GNAI2: variants seen among roughly 807,000 people sequenced by gnomAD.
GNAI2 encodes the protein guanine nucleotide-binding protein G(i) subunit alpha-2.
In GNAI2, 4 loss-of-function variants were observed where a neutral mutation model predicts 36.8. The observed-to-expected ratio is 0.11, with a 90% confidence interval of 0.05 to 0.25. GNAI2 has a LOEUF of 0.25. Ranked by LOEUF, GNAI2 falls within the 10% of genes least tolerant of loss-of-function variation. The probability of loss-of-function intolerance (pLI) is 1.00; values close to 1 mark genes in which losing one functional copy is unlikely to be tolerated. For missense variants in GNAI2, 230 were observed against 481.3 expected (o/e 0.48, Z 4.89); for synonymous variants, 194 against 194.1 (o/e 1.00, Z 0.01).
intron 1 of GNAI2, chr3:50,251,433 G>A (rs1559772974): frequency 9.5e-7 from 1 of 1,053,580 alleles, no homozygotes. Flanking sequence ...GTGGGTGTGG[G>A]TGTGTGAGAT....
At chr3:50,251,689 C>G in intron 1 of GNAI2, 1 of 1,344,484 alleles carries the variant, frequency 7.4e-7, no homozygotes, top group Non-Finnish European at 9.8e-7. Context: ...GTATGCAGGG[C>G]ATCTTCCTGC....
At chr3:50,227,151 T>C, upstream of GNAI2, 9 of 1,444,466 alleles carry the variant, frequency 6.2e-6, no homozygotes, top group Non-Finnish European at 8.2e-6. The surrounding 1 kb of genome is among the most constrained non-coding windows in gnomAD (Gnocchi z 5.9). Flanking sequence ...GACGCTAGGC[T>C]GGACGAAGCA....
chr3:50,246,046 C>T (rs1295217589), intron 1 of GNAI2, among the ~76,000 whole-genome samples: 1 of 152,172 alleles, frequency 6.6e-6, no homozygotes, highest in Non-Finnish European at 1.5e-5. Context: ...CCTCGAGTCC[C>T]TGCCTCCCAG....
chr3:50,248,091 C>T (rs1363518145), intron 1 of GNAI2, among the ~76,000 whole-genome samples: 3 of 152,168 alleles, frequency 2.0e-5, no homozygotes, highest in Non-Finnish European at 4.4e-5. Flanking sequence ...AAAAATTAGC[C>T]GGGCGTGGTG....
At chr3:50,256,073 AGCAAGGGCTGTGCTTG>A in intron 4 of GNAI2, 103 bp from the exon 5 acceptor site, 2 of 399,004 alleles carry the variant, frequency 5.0e-6, no homozygotes, top group Non-Finnish European at 9.2e-6. Context: ...AAAAAAAAAA[AGCAAGGGCTGTGCTTG>A]AGAAATGGCA....
chr3:50,256,428 C>T, intron 5 of GNAI2, 108 bp downstream of exon 5: 4 of 1,055,728 alleles, frequency 3.8e-6, no homozygotes, highest in South Asian at 2.6e-5. Flanking sequence ...TTTTACAAGG[C>T]TCATGTGTTC....
In GNAI2 at chr3:50,259,236, C is replaced by A. The variant is rs1553703771; in HGVS notation, c.*893C>A. On this transcript the variant is annotated 3_prime_UTR_variant, in exon 9 of 9. Coordinates refer to ENST00000313601, the MANE Select transcript of GNAI2 (RefSeq NM_002070.4). ...CCGCTGCCTGCTGGGGGGCCACGCCCCTCATGCCCTTGTCCCAGGCCCGGG... is the reference window on the plus strand; with the variant it reads ...CCGCTGCCTGCTGGGGGGCCACGCCACTCATGCCCTTGTCCCAGGCCCGGG... 4.9e-6 allele frequency: 1 copy of A among 203,350 alleles called. No homozygotes were observed. The highest frequency in any genetic ancestry group is 2.3e-5 in the African/African-American group (1 of 42,726). The allele number at this position is 203,350 out of a possible 1,614,324, so 12.6% of individuals were successfully genotyped here. A position where few individuals can be genotyped will look rare whatever the true frequency, so the allele number is the denominator to read the frequency against.
chr3:50,237,508 C>T (rs1700202980), intron 1 of GNAI2, among the ~76,000 whole-genome samples: 1 of 152,188 alleles, frequency 6.6e-6, no homozygotes, highest in African/African-American at 2.4e-5. Context: ...CTGGGCTGCC[C>T]ACACCCCTTC....
In GNAI2 at chr3:50,242,277, G is replaced by A. The variant is rs1700315193; in HGVS notation, c.118+5824G>A. Reference sequence around the variant, plus strand: ...CTCCCCTACATCCCGTTGTGCTGTGGGGGGAGGCAGGACCGGGCAGATGGG... The same window carrying A: ...CTCCCCTACATCCCGTTGTGCTGTGAGGGGAGGCAGGACCGGGCAGATGGG... On this transcript the variant is annotated intron_variant, in intron 1 of 8. Transcript: ENST00000313601. This position sits in a 1 kb window ranked among gnomAD's most constrained non-coding sequence, Gnocchi z 4.8. Among the ~76,000 whole-genome samples the A allele has an allele frequency of 6.6e-6, 1 of 152,120 alleles. No individual in the cohort carries two copies. The highest frequency in any genetic ancestry group is 2.4e-5 in the African/African-American group (1 of 41,420).
upstream of GNAI2, chr3:50,227,214 G>A: frequency 7.2e-7 from 1 of 1,383,380 alleles, no homozygotes; most frequent in Non-Finnish European, 9.4e-7. This position sits in a 1 kb window ranked among gnomAD's most constrained non-coding sequence, Gnocchi z 5.9. Flanking sequence ...GGCGGCTATC[G>A]CGGAGGAGAC....
At position 50,246,126 on chromosome 3, in the gene GNAI2, G is replaced by A. The variant is rs115647193; in HGVS notation, c.119-5974G>A. ...GGGGAGCAGCACCTGGAGGAAGGAA[G>A]AGACGCCAGGGGCGGGGCTCAGAGG... On this transcript the variant is annotated intron_variant, in intron 1 of 8. Transcript: ENST00000313601. Among the ~76,000 whole-genome samples, 1,473 of 152,342 alleles carry A rather than the reference G, an allele frequency of 9.7e-3. 21 individuals are homozygous for A. Among genetic ancestry groups the A allele is most frequent in the African/African-American group, 0.034 (1,407 of 41,568 alleles).
Position 50,258,952 on chromosome 3 carries a change from C to G in GNAI2, c.*609C>G. The G allele has an allele frequency of 2.2e-6, 1 of 450,254 alleles. No individual in the cohort carries two copies. The highest frequency in any genetic ancestry group is 1.6e-5 in the South Asian group (1 of 63,018). 27.9% of individuals were successfully genotyped at this position (450,254 alleles called of 1,614,324 possible). A position where few individuals can be genotyped will look rare whatever the true frequency, so the allele number is the denominator to read the frequency against. ...CTTTTTAGAGAAAAACTATTTAAAA[C>G]TGTCAGATCCTGACCAGCAAGCCCC... On this transcript the variant is annotated 3_prime_UTR_variant, in exon 9 of 9. Transcript: ENST00000313601.
At chr3:50,250,000 C>T (rs913097748) in intron 1 of GNAI2, among the ~76,000 whole-genome samples, 5 of 152,276 alleles carry the variant, frequency 3.3e-5, no homozygotes, top group African/African-American at 1.2e-4. Flanking sequence ...TGTGTGGCTC[C>T]GCTGCAGTAC....
At chr3:50,257,788 G>T in intron 8 of GNAI2, 74 bp downstream of exon 8, 1 of 714,142 alleles carries the variant, frequency 1.4e-6, no homozygotes, top group South Asian at 1.9e-5. Flanking sequence ...GGGGTTCTGG[G>T]GGTGGGTAGG....
Position 50,236,231 on chromosome 3 carries a change from C to T in GNAI2, c.-105C>T, listed in dbSNP as rs1442639818. 5 of 1,191,716 alleles carry T rather than the reference C, an allele frequency of 4.2e-6. No homozygotes were observed. In the African/African-American group the frequency reaches 4.8e-5, roughly 11 times the overall value. The allele number at this position is 1,191,716 out of a possible 1,614,324, so 73.8% of individuals were successfully genotyped here. A position where few individuals can be genotyped will look rare whatever the true frequency, so the allele number is the denominator to read the frequency against. ...TCGCTCGGAACTGCCGACCCGAGTG[C>T]TTCCCGCAGAGGGCTGGTGGTGGGA... is the stretch of plus-strand genomic sequence containing the variant. On this transcript the variant is annotated 5_prime_UTR_variant, in exon 1 of 9. Transcript: ENST00000313601. This position sits in a 1 kb window ranked among gnomAD's most constrained non-coding sequence, Gnocchi z 4.0.
At chr3:50,248,243 A>C (rs1553701977) in intron 1 of GNAI2, among the ~76,000 whole-genome samples, 1 of 152,014 alleles carries the variant, frequency 6.6e-6, no homozygotes, top group Non-Finnish European at 1.5e-5. Flanking sequence ...ACAGAGCGAG[A>C]CTGTGTTTCA....
At position 50,258,725 on chromosome 3, in the gene GNAI2, C is replaced by G; in HGVS notation, c.*382C>G. 2.8e-6 allele frequency: 1 copy of G among 359,980 alleles called. No homozygotes were observed. Among genetic ancestry groups the G allele is most frequent in the Non-Finnish European group, 5.4e-6 (1 of 185,516 alleles). The allele number at this position is 359,980 out of a possible 1,614,324, so 22.3% of individuals were successfully genotyped here. A position where few individuals can be genotyped will look rare whatever the true frequency, so the allele number is the denominator to read the frequency against. ...ACCCCCAGCTTTGCCCAACACCAGC[C>G]CCTGCCCCAGCCCAAGTCCAAATGT... On this transcript the variant is annotated 3_prime_UTR_variant, in exon 9 of 9. Transcript: ENST00000313601.
intron 1 of GNAI2, among the ~76,000 whole-genome samples, chr3:50,250,413 G>A (rs1700526610): frequency 6.6e-6 from 1 of 152,176 alleles, no homozygotes. Flanking sequence ...GCTGCACAGA[G>A]GAACAAACGT....
chr3:50,250,257 G>A (rs1183876333), intron 1 of GNAI2, among the ~76,000 whole-genome samples: 1 of 152,158 alleles, frequency 6.6e-6, no homozygotes, highest in Non-Finnish European at 1.5e-5. Context: ...CGATATTGCC[G>A]ATGTTATTGT....
Sources: allele counts gnomAD v4.1 joint callset (sites outside exome capture counted in the v4.1 genomes callset), GRCh38; gene constraint gnomAD v4.1.1; non-coding constraint Gnocchi (gnomAD v3.1); transcripts MANE v1.5; gene names NCBI Gene and HGNC (gene_info 2026-07-23, HGNC 2026-07-21).